The following TLN2 variants were observed in gnomAD, a reference collection of about 807,000 sequenced individuals.
The protein encoded by TLN2 is talin-2.
TLN2 carries 118 observed loss-of-function variants against 294.7 expected under a neutral mutation model. That is an observed-to-expected ratio of 0.40 (90% CI 0.34 to 0.47). TLN2 has a LOEUF of 0.47. Among genes scored for constraint, TLN2 ranks in the 20% least tolerant of loss-of-function variants. The pLI is 0.84. For synonymous variants in TLN2, 1,431 were observed against 1,304.5 expected, an observed-to-expected ratio of 1.10 and a Z score of -2.09; for missense variants, 3,083 against 3,282.2, an observed-to-expected ratio of 0.94 and a Z score of 1.48.
At chr15:62,718,399 C>T (rs1272825878) in intron 24 of TLN2, among the ~76,000 whole-genome samples, 2 of 152,200 alleles carry the variant, frequency 1.3e-5, no homozygotes, top group East Asian at 1.9e-4. Context: ...GGCTGGGAGG[C>T]ATACCTGTCT....
chr15:62,782,617 A>T (rs779636323), intron 44 of TLN2, among the ~76,000 whole-genome samples: 10 of 152,172 alleles, frequency 6.6e-5, no homozygotes, highest in Non-Finnish European at 1.3e-4. Flanking sequence ...CCCCGTCAGG[A>T]TGCCCAGACT....
intron 2 of TLN2, among the ~76,000 whole-genome samples, chr15:62,612,363 C>T (rs149071236): frequency 1.6e-3 from 245 of 152,188 alleles, no homozygotes; most frequent in African/African-American, 5.5e-3. Flanking sequence ...ATGTTGTTTT[C>T]GTTGCTTTCT....
chr15:62,726,953 C>A, intron 27 of TLN2, 134 bp from the exon 28 acceptor site: 1 of 871,940 alleles, frequency 1.1e-6, no homozygotes, highest in Non-Finnish European at 1.8e-6. Flanking sequence ...TACCACCCTG[C>A]TGCGGCTTAG....
intron 1 of TLN2, among the ~76,000 whole-genome samples, chr15:62,519,745 T>G (rs1177381571): frequency 1.3e-5 from 2 of 152,252 alleles, no homozygotes; most frequent in Non-Finnish European, 2.9e-5. Context: ...CTACACAGTT[T>G]TCAGTGAAAG....
intron 11 of TLN2, among the ~76,000 whole-genome samples, chr15:62,677,696 C>T (rs12441856): frequency 0.46 from 70,257 of 151,118 alleles, 18,541 homozygotes; most frequent in Middle Eastern, 0.63. Flanking sequence ...TTCCTCCTTC[C>T]TTCTCTCTCC....
At chr15:62,407,278 A>T (rs1414006466) in intron 1 of TLN2, among the ~76,000 whole-genome samples, 1 of 152,192 alleles carries the variant, frequency 6.6e-6, no homozygotes, top group African/African-American at 2.4e-5. Context: ...AGGCTTGTAT[A>T]CTAAATAGTA....
At chr15:62,601,433 C>T (rs1417707645) in intron 2 of TLN2, among the ~76,000 whole-genome samples, 1 of 152,132 alleles carries the variant, frequency 6.6e-6, no homozygotes, top group Non-Finnish European at 1.5e-5. Flanking sequence ...TCTATGATTT[C>T]TTAGTTGAAT....
intron 22 of TLN2, among the ~76,000 whole-genome samples, chr15:62,713,929 A>ATGC (rs1555485354): frequency 0.18 from 22,399 of 122,546 alleles, 2,617 homozygotes; most frequent in East Asian, 0.26. Flanking sequence ...GTGTGTGTGT[A>ATGC]TGTGTGTGTG....
At chr15:62,472,448 C>T (rs563327769) in intron 1 of TLN2, among the ~76,000 whole-genome samples, 14 of 152,294 alleles carry the variant, frequency 9.2e-5, no homozygotes, top group South Asian at 8.3e-4. Flanking sequence ...GCATCTGGCA[C>T]GAAGCTTAGC....
intron 37 of TLN2, among the ~76,000 whole-genome samples, chr15:62,759,577 G>C (rs954789683): frequency 2.0e-5 from 3 of 152,102 alleles, no homozygotes; most frequent in Admixed American, 6.5e-5. Flanking sequence ...TTAGTGGCTT[G>C]ATTGGCTGCC....
intron 43 of TLN2, among the ~76,000 whole-genome samples, chr15:62,780,796 G>A (rs2064102547): frequency 6.6e-6 from 1 of 152,074 alleles, no homozygotes; most frequent in African/African-American, 2.4e-5. Context: ...GCTGGCTCCC[G>A]CCTCCATGTA....
intron 2 of TLN2, among the ~76,000 whole-genome samples, chr15:62,597,286 A>G (rs75165541): frequency 6.6e-6 from 1 of 152,052 alleles, no homozygotes; most frequent in Non-Finnish European, 1.5e-5. Context: ...TTATCTCTAG[A>G]TTCTGAATGT....
intron 2 of TLN2, among the ~76,000 whole-genome samples, chr15:62,610,061 A>C (rs1596332839): frequency 6.6e-6 from 1 of 152,300 alleles, no homozygotes; most frequent in East Asian, 1.9e-4. Flanking sequence ...CCTGCTCCAG[A>C]CTTAGGAGGG....
At chr15:62,426,411 G>A (rs1457246962) in intron 1 of TLN2, among the ~76,000 whole-genome samples, 1 of 152,228 alleles carries the variant, frequency 6.6e-6, no homozygotes, top group Non-Finnish European at 1.5e-5. Flanking sequence ...TAGGAGCCAG[G>A]TCTGTACCTC....
At position 62,748,353 on chromosome 15, in the gene TLN2, C is replaced by T. The variant is rs762145989; in HGVS notation, c.4028C>T (p.Ala1343Val). ...AAAAAATTCTGTTTCTGTCACAGAG[C>T]TGTGACAGAGAGCATCAATCAACTC... Reference protein sequence around the residue: ...AKNLLAAAARAVTESINQLIT... With the variant: ...AKNLLAAAARVVTESINQLIT... Residue 1343 changes from alanine (A) to valine (V), a missense_variant and splice_region_variant, in exon 33 of 59, where the codon GCT (alanine) becomes GTT (valine). By Grantham distance (64) the Ala-to-Val change is moderately conservative. Coordinates refer to ENST00000636159, the MANE Select transcript of TLN2 (RefSeq NM_015059.3). The T allele has an allele frequency of 1.2e-6, 2 of 1,610,214 alleles. No individual in the cohort carries two copies. Among genetic ancestry groups the T allele is most frequent in the Non-Finnish European group, 8.5e-7 (1 of 1,178,338 alleles).
intron 4 of TLN2, among the ~76,000 whole-genome samples, chr15:62,649,421 A>G (rs1381365232): frequency 6.6e-6 from 1 of 152,140 alleles, no homozygotes; most frequent in Non-Finnish European, 1.5e-5. Flanking sequence ...TCTCAGAAGA[A>G]AGAGAGAAAT....
chr15:62,557,902 G>T (rs1167927953), intron 1 of TLN2, among the ~76,000 whole-genome samples: 2 of 152,198 alleles, frequency 1.3e-5, no homozygotes, highest in Non-Finnish European at 2.9e-5. Flanking sequence ...ACAAGCCCTA[G>T]TACCTTTAAA....
At chr15:62,776,659 C>G in intron 42 of TLN2, 105 bp from the exon 43 acceptor site, 1 of 1,103,160 alleles carries the variant, frequency 9.1e-7, no homozygotes, top group Non-Finnish European at 1.2e-6. Context: ...TCGCTGTGCT[C>G]CATTGTGGGG....
intron 21 of TLN2, among the ~76,000 whole-genome samples, chr15:62,711,472 C>A (rs1197986682): frequency 6.6e-6 from 1 of 152,228 alleles, no homozygotes; most frequent in East Asian, 1.9e-4. Flanking sequence ...AGGTAACCTA[C>A]ACATTAATAC....
Sources: allele counts gnomAD v4.1 joint callset (sites outside exome capture counted in the v4.1 genomes callset), GRCh38; gene constraint gnomAD v4.1.1; transcripts MANE v1.5; gene names NCBI Gene and HGNC (gene_info 2026-07-23, HGNC 2026-07-21).